Variants in DTWD2 observed in about 807,000 individuals in gnomAD.
DTWD2 encodes the protein DTW motif tRNA-uridine aminocarboxypropyltransferase 2, also known as tRNA-uridine aminocarboxypropyltransferase 2.
Under a neutral mutation model 31.8 loss-of-function variants are expected in DTWD2, and 39 were observed. The ratio of observed to expected loss-of-function variants is 1.22; its 90% CI spans 0.95 to 1.60. The LOEUF (loss-of-function observed/expected upper bound fraction) is 1.60. Ranked by LOEUF, DTWD2 falls within the 40% of genes most tolerant of loss-of-function variation. DTWD2 has a pLI of 0.00. For missense variants in DTWD2, 515 were observed against 381.5 expected (o/e 1.35, Z -2.92); for synonymous variants, 180 against 142.8 (o/e 1.26, Z -1.86).
chr5:118,859,272 G>C (rs556761070), intron 4 of DTWD2, among the ~76,000 whole-genome samples: 4 of 151,424 alleles, frequency 2.6e-5, no homozygotes, highest in African/African-American at 9.7e-5. Context: ...GAAAAGGCAG[G>C]ATAAATAAAG....
chr5:118,895,352 A>G (rs1753062173), intron 4 of DTWD2, among the ~76,000 whole-genome samples: 1 of 152,210 alleles, frequency 6.6e-6, no homozygotes, highest in Non-Finnish European at 1.5e-5. Context: ...GAGGAAAGTA[A>G]TTGAAGAGGA....
At chr5:118,957,377 A>C (rs1334583354) in intron 1 of DTWD2, among the ~76,000 whole-genome samples, 1 of 151,962 alleles carries the variant, frequency 6.6e-6, no homozygotes, top group Non-Finnish European at 1.5e-5. Context: ...GCGCGCCACC[A>C]TGCCTGGCTA....
chr5:118,974,487 T>C (rs1213085567), intron 1 of DTWD2: 1 of 470,808 alleles, frequency 2.1e-6, no homozygotes, highest in Non-Finnish European at 4.2e-6. Flanking sequence ...GCGTTCTCTG[T>C]CCTACTTCTG....
At chr5:118,878,000 C>T (rs1279550557) in intron 4 of DTWD2, among the ~76,000 whole-genome samples, 1 of 152,120 alleles carries the variant, frequency 6.6e-6, no homozygotes, top group Non-Finnish European at 1.5e-5. Context: ...GGTGAAAGAT[C>T]TCTACAAGGA....
intron 4 of DTWD2, among the ~76,000 whole-genome samples, chr5:118,908,771 G>A (rs551783711): frequency 2.6e-5 from 4 of 152,064 alleles, no homozygotes; most frequent in Middle Eastern, 3.4e-3. Context: ...TTTCAGTTGC[G>A]GGTGATGAAA....
intron 4 of DTWD2, among the ~76,000 whole-genome samples, chr5:118,875,564 A>G (rs1286985892): frequency 5.0e-4 from 35 of 69,778 alleles, no homozygotes; most frequent in African/African-American, 3.3e-3. Flanking sequence ...CTAGTTTCTG[A>G]AAAAAAAAAA....
intron 4 of DTWD2, among the ~76,000 whole-genome samples, chr5:118,915,043 C>G (rs1176683134): frequency 6.6e-6 from 1 of 152,036 alleles, no homozygotes; most frequent in Non-Finnish European, 1.5e-5. Context: ...ATGATAGAAT[C>G]CTGTCTCTAC....
intron 4 of DTWD2, among the ~76,000 whole-genome samples, chr5:118,890,716 G>A (rs1459378603): frequency 2.0e-5 from 3 of 151,750 alleles, no homozygotes; most frequent in Admixed American, 6.6e-5. Context: ...GACTACAGGC[G>A]CACGCCACCA....
intron 1 of DTWD2, among the ~76,000 whole-genome samples, chr5:118,950,725 C>T (rs1580431936): frequency 2.0e-5 from 3 of 152,280 alleles, no homozygotes; most frequent in Admixed American, 2.0e-4. Flanking sequence ...GTGGCTTAGG[C>T]GTTTTGAAGT....
chr5:118,938,757 A>G (rs1754108489), intron 3 of DTWD2, among the ~76,000 whole-genome samples: 1 of 148,962 alleles, frequency 6.7e-6, no homozygotes, highest in Admixed American at 6.7e-5. Flanking sequence ...GCACTATATT[A>G]GGCACCATAG....
intron 4 of DTWD2, among the ~76,000 whole-genome samples, chr5:118,850,430 A>C (rs1751972397): frequency 7.3e-6 from 1 of 136,540 alleles, no homozygotes; most frequent in Non-Finnish European, 1.6e-5. Context: ...GTGAGTCAAG[A>C]TGGTACCACT....
intron 4 of DTWD2, among the ~76,000 whole-genome samples, chr5:118,902,307 T>C (rs1186547740): frequency 2.6e-5 from 4 of 152,082 alleles, no homozygotes; most frequent in South Asian, 2.1e-4. Flanking sequence ...TAAATATGTA[T>C]AGAATGAGTA....
At chr5:118,959,039 A>G (rs186377163) in intron 1 of DTWD2, among the ~76,000 whole-genome samples, 1 of 152,204 alleles carries the variant, frequency 6.6e-6, no homozygotes, top group South Asian at 2.1e-4. Context: ...GAACTGGAAC[A>G]TGACAAGTCT....
chr5:118,967,755 C>T (rs1296147157), intron 1 of DTWD2, among the ~76,000 whole-genome samples: 1 of 152,114 alleles, frequency 6.6e-6, no homozygotes, highest in African/African-American at 2.4e-5. Flanking sequence ...ACATTCCAAT[C>T]AATAAATGTA....
Position 118,836,114 on chromosome 5 carries a change from G to A in DTWD2, c.*4803C>T, listed in dbSNP as rs565654885. On this transcript the variant is annotated 3_prime_UTR_variant, in exon 6 of 6. Coordinates refer to ENST00000510708, the MANE Select transcript of DTWD2 (RefSeq NM_173666.4). ...TTTTAATTCTTTAATATACTTCTAA[G>A]TAACAATAACAGTAAGACATATAGT... Among the ~76,000 whole-genome samples the A allele has an allele frequency of 6.6e-6, 1 of 152,130 alleles. No homozygotes were observed. The highest frequency in any genetic ancestry group is 1.9e-4 in the East Asian group (1 of 5,184).
chr5:118,987,912 C>T (rs550540008), intron 1 of DTWD2, among the ~76,000 whole-genome samples: 1 of 152,162 alleles, frequency 6.6e-6, no homozygotes, highest in African/African-American at 2.4e-5. Flanking sequence ...TCTCTCTCCT[C>T]CAATCCACTT....
intron 4 of DTWD2, among the ~76,000 whole-genome samples, chr5:118,864,927 G>C (rs1045402010): frequency 5.3e-5 from 8 of 152,026 alleles, no homozygotes; most frequent in African/African-American, 1.9e-4. Context: ...CATAAACACA[G>C]AATAGCAGCC....
chr5:118,911,544 C>A (rs1222009338), intron 4 of DTWD2, among the ~76,000 whole-genome samples: 5 of 152,198 alleles, frequency 3.3e-5, no homozygotes, highest in Admixed American at 3.3e-4. Flanking sequence ...CATGAAAAGA[C>A]ATCTGCACTC....
intron 1 of DTWD2, among the ~76,000 whole-genome samples, chr5:118,945,849 A>C (rs1383317436): frequency 6.6e-6 from 1 of 152,014 alleles, no homozygotes; most frequent in Non-Finnish European, 1.5e-5. Context: ...ATGGGAGTAA[A>C]TTTTTCACAA....
Sources: gnomAD v4.1 joint callset for allele counts (sites outside exome capture counted in the v4.1 genomes callset) on GRCh38, gnomAD v4.1.1 for gene constraint, MANE v1.5 for transcripts, NCBI Gene and HGNC (gene_info 2026-07-23, HGNC 2026-07-21) for gene names.